GRAMD1B: variants seen among roughly 807,000 people sequenced by gnomAD.
The protein encoded by GRAMD1B is GRAM domain containing 1B.
Under a neutral mutation model 99.7 loss-of-function variants are expected in GRAMD1B, and 37 were observed. The ratio of observed to expected loss-of-function variants is 0.37; its 90% CI spans 0.29 to 0.49. GRAMD1B has a LOEUF of 0.49. Among genes scored for constraint, GRAMD1B ranks in the 20% least tolerant of loss-of-function variants. The pLI, the probability that GRAMD1B is intolerant of heterozygous loss-of-function variation, is 0.98. For missense variants in GRAMD1B, 888 were observed against 1,009.2 expected (o/e 0.88, Z 1.63); for synonymous variants, 427 against 387.6 (o/e 1.10, Z -1.19).
chr11:123,546,990 T>C (rs1457349026), intron 2 of GRAMD1B, among the ~76,000 whole-genome samples: 2 of 152,188 alleles, frequency 1.3e-5, no homozygotes, highest in Non-Finnish European at 2.9e-5. Flanking sequence ...CCTGTCAACC[T>C]GTCTTGAGAG....
chr11:123,620,655 G>A (rs559281846), intron 19 of GRAMD1B, among the ~76,000 whole-genome samples: 1 of 152,232 alleles, frequency 6.6e-6, no homozygotes, highest in South Asian at 2.1e-4. Flanking sequence ...TGATGGAATT[G>A]AAGACAAACC....
At chr11:123,494,377 C>T (rs1938964399) in intron 2 of GRAMD1B, among the ~76,000 whole-genome samples, 1 of 151,124 alleles carries the variant, frequency 6.6e-6, no homozygotes, top group Non-Finnish European at 1.5e-5. Flanking sequence ...TGCACATATG[C>T]TTAGGGGGTC....
Position 123,591,197 on chromosome 11 carries a change from T to C in GRAMD1B, c.685-2885T>C. The C allele has an allele frequency of 2.6e-6, 1 of 382,818 alleles. No homozygotes were observed. Among genetic ancestry groups the C allele is most frequent in the Non-Finnish European group, 4.6e-6 (1 of 216,360 alleles). The allele number at this position is 382,818 out of a possible 1,614,324, so 23.7% of individuals were successfully genotyped here. A position where few individuals can be genotyped will look rare whatever the true frequency, so the allele number is the denominator to read the frequency against. ...CACGCTGACCACCTCGGCTCACTTG[T>C]GAAGCTTCATGCTGGGCATGCAGCT... is the stretch of plus-strand genomic sequence containing the variant. On this transcript the variant is annotated intron_variant, in intron 4 of 19. Coordinates refer to ENST00000635736, the MANE Select transcript of GRAMD1B (RefSeq NM_001387025.1). This position sits in a 1 kb window ranked among gnomAD's most constrained non-coding sequence, Gnocchi z 4.7.
At chr11:123,378,702 T>A (rs899504256) in intron 1 of GRAMD1B, among the ~76,000 whole-genome samples, 1 of 152,220 alleles carries the variant, frequency 6.6e-6, no homozygotes, top group Non-Finnish European at 1.5e-5. Flanking sequence ...GGTTGAGTGT[T>A]ATGCAGAAAG....
chr11:123,574,977 T>A (rs946381882), intron 2 of GRAMD1B, among the ~76,000 whole-genome samples: 2 of 152,132 alleles, frequency 1.3e-5, no homozygotes, highest in African/African-American at 4.8e-5. Flanking sequence ...GCACAGATGA[T>A]CAACAGCCTT....
At chr11:123,453,431 C>T (rs1328149501) in intron 1 of GRAMD1B, among the ~76,000 whole-genome samples, 1 of 152,124 alleles carries the variant, frequency 6.6e-6, no homozygotes, top group Non-Finnish European at 1.5e-5. Flanking sequence ...ATTCTCATGC[C>T]TCAGCCTCCC....
At chr11:123,585,529 T>C (rs1036951786) in intron 4 of GRAMD1B, among the ~76,000 whole-genome samples, 5 of 152,170 alleles carry the variant, frequency 3.3e-5, no homozygotes, top group Admixed American at 6.5e-5. Context: ...GAGAGAGTTA[T>C]GGGCTGAGGT....
chr11:123,372,279 T>C (rs80020874), intron 1 of GRAMD1B, among the ~76,000 whole-genome samples: 3 of 152,336 alleles, frequency 2.0e-5, no homozygotes, highest in Admixed American at 6.5e-5. Flanking sequence ...GAAATACTAA[T>C]AATTAGGATC....
At chr11:123,405,440 G>T (rs1211013998) in intron 1 of GRAMD1B, among the ~76,000 whole-genome samples, 1 of 152,140 alleles carries the variant, frequency 6.6e-6, no homozygotes, top group African/African-American at 2.4e-5. Context: ...ATAAAGACTT[G>T]CTATTTTATG....
At chr11:123,410,768 T>G (rs1373240183) in intron 1 of GRAMD1B, among the ~76,000 whole-genome samples, 1 of 152,006 alleles carries the variant, frequency 6.6e-6, no homozygotes, top group African/African-American at 2.4e-5. Context: ...TGTGCTAGAG[T>G]GAAGAGAGCA....
rs1555050112 is a variant in GRAMD1B, at chr11:123,513,578, T to TTCCCTTCC, written c.452+32686_452+32687insCCCTTCCT. Among the ~76,000 whole-genome samples, 3 of 41,692 alleles carry TTCCCTTCC rather than the reference T, an allele frequency of 7.2e-5. No homozygotes were observed. The Admixed American group carries it at 8.7e-4, about 12-fold the overall frequency. 27.4% of individuals were successfully genotyped at this position (41,692 alleles called of 152,430 possible). Reference sequence around the variant, plus strand: ...TTTCCTTCCTTCCTTCCTTCCTTCCTTTCCTTCCTTCCTTCCTTCCTTCCT... The same window carrying TTCCCTTCC: ...TTTCCTTCCTTCCTTCCTTCCTTCCTTCCCTTCCTTCCTTCCTTCCTTCCTTCCTTCCT... On this transcript the variant is annotated intron_variant, in intron 2 of 19. Transcript: ENST00000635736.
intron 7 of GRAMD1B, chr11:123,598,768 A>C: frequency 1.1e-6 from 1 of 934,038 alleles, no homozygotes. Flanking sequence ...TCTTTCGGCC[A>C]TCCAGGAAAG....
chr11:123,438,093 C>T (rs1949244837), intron 1 of GRAMD1B, among the ~76,000 whole-genome samples: 1 of 152,170 alleles, frequency 6.6e-6, no homozygotes, highest in South Asian at 2.1e-4. Context: ...AAACTTCCAC[C>T]AGATTCATAA....
intron 2 of GRAMD1B, among the ~76,000 whole-genome samples, chr11:123,516,139 A>G (rs1941649359): frequency 6.6e-6 from 1 of 152,216 alleles, no homozygotes; most frequent in Non-Finnish European, 1.5e-5. Flanking sequence ...TCCATGTAAA[A>G]ACCCCATCAT....
chr11:123,419,698 AGTGTGTGTGT>A (rs3222403), intron 1 of GRAMD1B, among the ~76,000 whole-genome samples: 8,770 of 134,004 alleles, frequency 0.065, 567 homozygotes, highest in African/African-American at 0.16. Flanking sequence ...GGAATTTCTA[AGTGTGTGTGT>A]GTGTGTGTGT....
intron 2 of GRAMD1B, among the ~76,000 whole-genome samples, chr11:123,491,308 C>T (rs1267191968): frequency 6.6e-6 from 1 of 152,114 alleles, no homozygotes; most frequent in African/African-American, 2.4e-5. Context: ...TATTCTGTTC[C>T]AGAAATATGT....
chr11:123,451,248 C>T (rs1312137851), intron 1 of GRAMD1B, among the ~76,000 whole-genome samples: 4 of 152,194 alleles, frequency 2.6e-5, no homozygotes, highest in Non-Finnish European at 4.4e-5. Flanking sequence ...AGCACTGGCA[C>T]ACACCAGGAT....
chr11:123,477,806 A>C (rs1490229780), intron 1 of GRAMD1B, among the ~76,000 whole-genome samples: 35 of 116,498 alleles, frequency 3.0e-4, no homozygotes, highest in East Asian at 4.8e-4. Flanking sequence ...ATGGAGTCTC[A>C]CTCTGTCGCC....
chr11:123,414,432 T>G (rs1591469984), intron 1 of GRAMD1B, among the ~76,000 whole-genome samples: 1 of 152,228 alleles, frequency 6.6e-6, no homozygotes, highest in East Asian at 1.9e-4. Context: ...TGTTACGTAC[T>G]CTGCACCACA....
Sources: allele counts gnomAD v4.1 joint callset (sites outside exome capture counted in the v4.1 genomes callset), GRCh38; gene constraint gnomAD v4.1.1; non-coding constraint Gnocchi (gnomAD v3.1); transcripts MANE v1.5; gene names NCBI Gene and HGNC (gene_info 2026-07-23, HGNC 2026-07-21).